LRRTM3: variants seen among roughly 807,000 people sequenced by gnomAD.
The protein encoded by LRRTM3 is leucine rich repeat transmembrane neuronal 3.
In LRRTM3, 24 loss-of-function variants were observed where a neutral mutation model predicts 44.7. The ratio of observed to expected loss-of-function variants is 0.54; its 90% confidence interval spans 0.39 to 0.76. The LOEUF (loss-of-function observed/expected upper bound fraction) is 0.76, where lower values mean the gene tolerates loss of function less well. Among genes scored for constraint, LRRTM3 ranks in the 30% least tolerant of loss-of-function variants. The pLI is 0.00. For missense variants in LRRTM3, 587 were observed against 702.2 expected (o/e 0.84, Z 1.85); for synonymous variants, 277 against 278.7 (o/e 0.99, Z 0.06).
At chr10:67,065,013 A>G (rs2251000) in intron 2 of LRRTM3, among the ~76,000 whole-genome samples, 95,782 of 151,972 alleles carry the variant, frequency 0.63, 31,383 homozygotes, top group African/African-American at 0.82. Context: ...GCTTCCATAT[A>G]CCACCAACAC....
chr10:67,006,193 C>T (rs1275636561), intron 2 of LRRTM3, among the ~76,000 whole-genome samples: 2 of 152,174 alleles, frequency 1.3e-5, no homozygotes, highest in East Asian at 3.9e-4. Flanking sequence ...CACAAAGTCA[C>T]AGAGACAGGA....
chr10:66,959,512 TC>T, intron 2 of LRRTM3, among the ~76,000 whole-genome samples: 1 of 152,146 alleles, frequency 6.6e-6, no homozygotes, highest in East Asian at 1.9e-4. Context: ...TCCCCTGAGT[TC>T]TAAGGGCTCT....
At chr10:67,001,289 G>A (rs2132985604) in intron 2 of LRRTM3, among the ~76,000 whole-genome samples, 1 of 139,314 alleles carries the variant, frequency 7.2e-6, no homozygotes, top group African/African-American at 2.7e-5. Context: ...GACAGAGTGA[G>A]ACTCTGTCTA....
At chr10:67,083,178 A>C (rs1366047425) in intron 2 of LRRTM3, among the ~76,000 whole-genome samples, 1 of 152,206 alleles carries the variant, frequency 6.6e-6, no homozygotes, top group African/African-American at 2.4e-5. Flanking sequence ...GAGAAAAAAA[A>C]AAACTTCCTT....
At chr10:67,010,948 C>T (rs1852286778) in intron 2 of LRRTM3, among the ~76,000 whole-genome samples, 1 of 152,100 alleles carries the variant, frequency 6.6e-6, no homozygotes, top group East Asian at 1.9e-4. Context: ...TACCATGAAT[C>T]TTAGACAACT....
At chr10:66,967,775 A>T (rs1448298568) in intron 2 of LRRTM3, among the ~76,000 whole-genome samples, 1 of 152,130 alleles carries the variant, frequency 6.6e-6, no homozygotes, top group Non-Finnish European at 1.5e-5. Flanking sequence ...TGTTTAGTAG[A>T]TTTAAATTAT....
intron 2 of LRRTM3, among the ~76,000 whole-genome samples, chr10:66,992,587 A>G (rs1042721880): frequency 1.3e-5 from 2 of 151,948 alleles, no homozygotes; most frequent in Non-Finnish European, 1.5e-5. Flanking sequence ...TAAATGTATC[A>G]GTCTTTTCAT....
At chr10:67,079,917 T>C (rs186627473) in intron 2 of LRRTM3, among the ~76,000 whole-genome samples, 13 of 132,014 alleles carry the variant, frequency 9.8e-5, no homozygotes, top group Admixed American at 6.8e-4. Context: ...ACAAAGATAG[T>C]CACTAACACA....
At position 66,927,103 on chromosome 10, in the gene LRRTM3, T is replaced by G; in HGVS notation, c.187T>G (p.Cys63Gly). The G allele has an allele frequency of 6.2e-7, 1 of 1,614,216 alleles. No individual in the cohort carries two copies. Among genetic ancestry groups the G allele is most frequent in the Non-Finnish European group, 8.5e-7 (1 of 1,180,042 alleles). Residue 63 changes from cysteine (C) to glycine (G), a missense_variant, in exon 2 of 3, where the codon TGC becomes GGC. This residue lies in a region of LRRTM3 where 222 missense variants were observed against 323.3 expected (regional missense o/e 0.69). Transcript: ENST00000361320. The surrounding 1 kb of genome is among the most constrained non-coding windows in gnomAD (Gnocchi z 4.7). ...GATACCCTCAAGTATATCTGCTGGT[T>G]GCTTAGGTTTGTCCCTTCGCTATAA... ...QEIPSSISAG[C>G]LGLSLRYNSL...
intron 2 of LRRTM3, among the ~76,000 whole-genome samples, chr10:66,929,123 G>A (rs186792947): frequency 1.8e-4 from 27 of 152,270 alleles, no homozygotes; most frequent in Admixed American, 4.6e-4. Flanking sequence ...CAAAATGTGA[G>A]GAGATGACAA....
chr10:67,046,531 C>T (rs1589656793), intron 2 of LRRTM3, among the ~76,000 whole-genome samples: 2 of 152,108 alleles, frequency 1.3e-5, no homozygotes, highest in South Asian at 2.1e-4. Context: ...GGAATCTATC[C>T]GTCTTTCATC....
At chr10:67,003,497 A>T (rs1289453050) in intron 2 of LRRTM3, among the ~76,000 whole-genome samples, 1 of 152,220 alleles carries the variant, frequency 6.6e-6, no homozygotes, top group Admixed American at 6.5e-5. Context: ...GAAACTTTGC[A>T]TACTATATTC....
At chr10:66,963,849 T>C (rs990193282) in intron 2 of LRRTM3, among the ~76,000 whole-genome samples, 5 of 151,172 alleles carry the variant, frequency 3.3e-5, no homozygotes, top group African/African-American at 1.2e-4. Context: ...ACATCAATTT[T>C]TTTTTTTTTT....
intron 2 of LRRTM3, among the ~76,000 whole-genome samples, chr10:67,013,876 T>G (rs944869044): frequency 1.3e-5 from 2 of 152,136 alleles, no homozygotes; most frequent in African/African-American, 2.4e-5. Flanking sequence ...TGTAGATTGA[T>G]CTCTGATATC....
intron 2 of LRRTM3, among the ~76,000 whole-genome samples, chr10:67,075,905 G>A (rs1856723244): frequency 6.6e-6 from 1 of 152,218 alleles, no homozygotes; most frequent in African/African-American, 2.4e-5. Flanking sequence ...GTGGAGCATG[G>A]AAAGAATCCA....
intron 2 of LRRTM3, among the ~76,000 whole-genome samples, chr10:67,071,330 G>T (rs1319889196): frequency 3.3e-4 from 47 of 140,390 alleles, no homozygotes; most frequent in Middle Eastern, 3.8e-3. Flanking sequence ...TGTATTTTGG[G>T]TTTTTTTTTT....
rs375674905 is a variant in LRRTM3 at position 66,962,318 on chromosome 10, C to T, written c.1536+33866C>T. Among the ~76,000 whole-genome samples, 20 of 152,220 alleles carry T rather than the reference C, an allele frequency of 1.3e-4. No homozygotes were observed. In the East Asian group the frequency reaches 1.7e-3, roughly 13 times the overall value. ...AGGAAGAGAACTTCCTCATGGTCTC[C>T]GTACTTACACCTCCTTCTGCCTATA... On this transcript the variant is annotated intron_variant, in intron 2 of 2. Transcript: ENST00000361320.
chr10:67,033,807 G>A (rs1853876800), intron 2 of LRRTM3, among the ~76,000 whole-genome samples: 1 of 152,038 alleles, frequency 6.6e-6, no homozygotes, highest in Non-Finnish European at 1.5e-5. Flanking sequence ...GTCTCACTCT[G>A]TCGCCCAGGC....
At chr10:67,064,720 A>G (rs1855964298) in intron 2 of LRRTM3, among the ~76,000 whole-genome samples, 1 of 152,206 alleles carries the variant, frequency 6.6e-6, no homozygotes, top group South Asian at 2.1e-4. Context: ...TGTGTGAGGT[A>G]TTAATTGAAA....
Sources: allele counts gnomAD v4.1 joint callset (sites outside exome capture counted in the v4.1 genomes callset), GRCh38; gene constraint gnomAD v4.1.1; regional missense constraint gnomAD v4.1.1; non-coding constraint Gnocchi (gnomAD v3.1); transcripts MANE v1.5; gene names NCBI Gene and HGNC (gene_info 2026-07-23, HGNC 2026-07-21).